RNF145: variants seen among roughly 807,000 people sequenced by gnomAD.
RNF145 encodes the protein ring finger protein 145.
A neutral mutation model predicts 57.3 loss-of-function variants in RNF145; 12 were observed. The observed-to-expected ratio is 0.21, with a 90% CI of 0.13 to 0.34. The LOEUF is 0.34. Ranked by LOEUF, RNF145 falls within the 10% of genes least tolerant of loss-of-function variation. The pLI, the probability that RNF145 is intolerant of heterozygous loss-of-function variation, is 1.00. For missense variants in RNF145, 429 were observed against 799.0 expected, an observed-to-expected ratio of 0.54 and a Z score of 5.58; for synonymous variants, 262 against 288.3, an observed-to-expected ratio of 0.91 and a Z score of 0.92.
intron 2 of RNF145, among the ~76,000 whole-genome samples, chr5:159,199,409 T>C (rs1458697557): frequency 2.0e-5 from 3 of 151,626 alleles, no homozygotes; most frequent in South Asian, 2.1e-4. Context: ...AAAAACACTT[T>C]CAAGAAAGAG....
At chr5:159,194,683 T>C in intron 3 of RNF145, 33 bp downstream of exon 3, 2 of 1,272,090 alleles carry the variant, frequency 1.6e-6, no homozygotes, top group Non-Finnish European at 2.3e-6. Flanking sequence ...TTAAATTCAA[T>C]CATACATTTC....
intron 2 of RNF145, among the ~76,000 whole-genome samples, chr5:159,200,013 A>G (rs1189554956): frequency 1.3e-5 from 2 of 152,170 alleles, no homozygotes; most frequent in African/African-American, 4.8e-5. Context: ...TACGATAGCA[A>G]TAAAAAAGAT....
chr5:159,189,493 C>T (rs1785210271), intron 3 of RNF145, among the ~76,000 whole-genome samples: 1 of 152,184 alleles, frequency 6.6e-6, no homozygotes, highest in African/African-American at 2.4e-5. Context: ...GCCTCATACA[C>T]CGCTGGTAGA....
At chr5:159,186,290 A>G (rs896399041) in intron 3 of RNF145, among the ~76,000 whole-genome samples, 1 of 152,322 alleles carries the variant, frequency 6.6e-6, no homozygotes, top group East Asian at 1.9e-4. Context: ...ATTCTTGCTT[A>G]TAAAGAGAAG....
Position 159,158,769 on chromosome 5 carries a change from C to T in RNF145, c.1893G>A (p.Glu631=), listed in dbSNP as rs916850911. The T allele has an allele frequency of 6.2e-7, 1 of 1,613,838 alleles. No individual in the cohort carries two copies. The highest frequency in any genetic ancestry group is 8.5e-7 in the Non-Finnish European group (1 of 1,179,874). The change falls in exon 11 of 11, where the codon GAG becomes GAA. Residue 631 remains glutamate, a synonymous_variant. Transcript: ENST00000424310. ...GGTTATCTGGTCGTCTGGCAATGTA[C>T]TCATTATTGTCCCTGGAACCTTCCT... ...RIQEGSRDNN[E]YIARRPDNQE...
chr5:159,170,818 C>G (rs529037858), intron 6 of RNF145, among the ~76,000 whole-genome samples: 11 of 152,202 alleles, frequency 7.2e-5, no homozygotes, highest in African/African-American at 2.4e-4. Context: ...CTAAAACTTT[C>G]TGCCTCAAGC....
intron 1 of RNF145, among the ~76,000 whole-genome samples, chr5:159,204,827 AGCAAACAAAAGTGGGTAAAGAACAATTT>A (rs566196847): frequency 9.5e-6 from 1 of 105,668 alleles, no homozygotes; most frequent in South Asian, 3.1e-4. Context: ...AAAAAAAAAA[AGCAAACAAAAGTGGGTAAAGAACAATTT>A]AAAGAGTAAA....
intron 3 of RNF145, among the ~76,000 whole-genome samples, chr5:159,187,405 G>A (rs1785109068): frequency 6.6e-6 from 1 of 151,408 alleles, no homozygotes; most frequent in African/African-American, 2.4e-5. Flanking sequence ...TCAGCTCACT[G>A]CAACCTCTGC....
At chr5:159,168,078 T>G (rs540895007) in intron 8 of RNF145, among the ~76,000 whole-genome samples, 3 of 152,240 alleles carry the variant, frequency 2.0e-5, no homozygotes, top group African/African-American at 7.2e-5. Flanking sequence ...CTTACAGAAT[T>G]TCCTTGTATC....
chr5:159,198,895 T>C (rs144956143), intron 2 of RNF145, among the ~76,000 whole-genome samples: 39 of 152,162 alleles, frequency 2.6e-4, no homozygotes, highest in African/African-American at 9.4e-4. Context: ...TAAGGGTTAC[T>C]TGAGCCCAGG....
chr5:159,196,554 T>C (rs917413107), intron 2 of RNF145, among the ~76,000 whole-genome samples: 10 of 152,208 alleles, frequency 6.6e-5, no homozygotes, highest in African/African-American at 2.4e-4. Context: ...GCCTCTCTCA[T>C]GCTGAATCAA....
chr5:159,193,062 G>T (rs547186328), intron 3 of RNF145, among the ~76,000 whole-genome samples: 1 of 152,330 alleles, frequency 6.6e-6, no homozygotes, highest in Admixed American at 6.5e-5. Flanking sequence ...CATCATGTCT[G>T]TATCAGTATT....
rs771261757 is a variant in RNF145 at position 159,182,024 on chromosome 5, A to G, written c.321T>C (p.Phe107=). 1 of 1,609,120 alleles carries G rather than the reference A, an allele frequency of 6.2e-7. No homozygotes were observed. Among genetic ancestry groups the G allele is most frequent in the South Asian group, 1.1e-5 (1 of 90,918 alleles). Residue 107 remains phenylalanine, a synonymous_variant, in exon 4 of 11, where the codon TTT becomes TTC. Coordinates refer to ENST00000424310, the MANE Select transcript of RNF145 (RefSeq NM_001199383.2). ...SRDYVRSELE[F]AYEGPMYLEP... Reference sequence around the variant, plus strand: ...CTAAATACATTGGTCCCTCATAGGCAAACTCCAGTTCACTCCGAACATAGT... The same window carrying G: ...CTAAATACATTGGTCCCTCATAGGCGAACTCCAGTTCACTCCGAACATAGT...
intron 3 of RNF145, among the ~76,000 whole-genome samples, chr5:159,194,457 C>A (rs1345473643): frequency 6.6e-6 from 1 of 152,162 alleles, no homozygotes; most frequent in African/African-American, 2.4e-5. Flanking sequence ...TGAGCCACCA[C>A]GCCCAGCCAG....
intron 6 of RNF145, among the ~76,000 whole-genome samples, chr5:159,170,785 C>A (rs1784524451): frequency 6.6e-6 from 1 of 152,168 alleles, no homozygotes; most frequent in Non-Finnish European, 1.5e-5. Flanking sequence ...CAGACAAGGT[C>A]TTGCTATGTT....
chr5:159,185,567 A>G (rs1785030060), intron 3 of RNF145, among the ~76,000 whole-genome samples: 1 of 152,234 alleles, frequency 6.6e-6, no homozygotes, highest in South Asian at 2.1e-4. Flanking sequence ...AGTGGGAATT[A>G]TCCAAAATTC....
chr5:159,209,805 TCTCA>T (rs2113270045), upstream of RNF145: 4 of 1,514,676 alleles, frequency 2.6e-6, no homozygotes, highest in Non-Finnish European at 3.5e-6. Flanking sequence ...ACACGTGCTC[TCTCA>T]CTCCCAAACA....
chr5:159,191,327 C>G (rs913393176), intron 3 of RNF145, among the ~76,000 whole-genome samples: 2 of 152,094 alleles, frequency 1.3e-5, no homozygotes, highest in African/African-American at 4.8e-5. Context: ...GTGGAATGAA[C>G]TAGATTGTGA....
chr5:159,180,183 A>G (rs752863433), intron 4 of RNF145, among the ~76,000 whole-genome samples: 3 of 152,028 alleles, frequency 2.0e-5, no homozygotes, highest in Non-Finnish European at 4.4e-5. Context: ...TGCTTCCTAG[A>G]CTTGAGGTAT....
Sources: gnomAD v4.1 joint callset for allele counts (sites outside exome capture counted in the v4.1 genomes callset) on GRCh38, gnomAD v4.1.1 for gene constraint, MANE v1.5 for transcripts, NCBI Gene and HGNC (gene_info 2026-07-23, HGNC 2026-07-21) for gene names.